Variants in SLCO6A1 observed in about 807,000 individuals in gnomAD.
The protein encoded by SLCO6A1 is cancer/testis antigen 48.
A neutral mutation model predicts 72.7 loss-of-function variants in SLCO6A1; 65 were observed. The observed-to-expected ratio is 0.89, with a 90% CI of 0.73 to 1.10. The LOEUF (loss-of-function observed/expected upper bound fraction) is 1.10, where lower values mean the gene tolerates loss of function less well. SLCO6A1 is among the 50% of genes least tolerant of loss of function. The pLI is 0.00. For missense variants in SLCO6A1, 874 were observed against 872.6 expected, an observed-to-expected ratio of 1.00 and a Z score of -0.02; for synonymous variants, 314 against 298.2, an observed-to-expected ratio of 1.05 and a Z score of -0.55.
At chr5:102,477,415 T>G (rs1751957414) in intron 3 of SLCO6A1, among the ~76,000 whole-genome samples, 1 of 152,114 alleles carries the variant, frequency 6.6e-6, no homozygotes. Context: ...TGAGCCACCA[T>G]GCCTGGCCGA....
chr5:102,457,027 G>A (rs1247044688), intron 6 of SLCO6A1, among the ~76,000 whole-genome samples: 6 of 152,178 alleles, frequency 3.9e-5, no homozygotes, highest in Non-Finnish European at 7.3e-5. Flanking sequence ...AATAAATGGT[G>A]CTGGGAAAAC....
At chr5:102,388,573 C>T in intron 12 of SLCO6A1, 115 bp downstream of exon 12, 2 of 775,748 alleles carry the variant, frequency 2.6e-6, no homozygotes, top group Non-Finnish European at 3.8e-6. Flanking sequence ...CTCCTTTACT[C>T]ATCAAAGTAC....
intron 10 of SLCO6A1, among the ~76,000 whole-genome samples, chr5:102,396,317 G>A (rs1290276108): frequency 6.6e-6 from 1 of 151,968 alleles, no homozygotes; most frequent in African/African-American, 2.4e-5. Flanking sequence ...CCCATTTCTT[G>A]TTTTTGTCAG....
chr5:102,448,967 T>TA (rs35959260), intron 6 of SLCO6A1, among the ~76,000 whole-genome samples: 96,708 of 151,878 alleles, frequency 0.64, 30,967 homozygotes, highest in African/African-American at 0.66. Context: ...ATAGTGTCAA[T>TA]AGTACTTGAG....
chr5:102,498,426 C>T (rs941954619), intron 1 of SLCO6A1, 61 bp downstream of exon 1: 2 of 1,504,770 alleles, frequency 1.3e-6, no homozygotes, highest in Non-Finnish European at 1.8e-6. Flanking sequence ...CTCCCTCTCC[C>T]GCCTCCGCCA....
At chr5:102,414,557 T>C (rs1448458438) in intron 8 of SLCO6A1, among the ~76,000 whole-genome samples, 1 of 152,172 alleles carries the variant, frequency 6.6e-6, no homozygotes, top group Non-Finnish European at 1.5e-5. Flanking sequence ...AAAATTAACA[T>C]ACAAAATTAG....
chr5:102,493,347 C>A (rs1030795645), intron 1 of SLCO6A1, among the ~76,000 whole-genome samples: 1 of 151,978 alleles, frequency 6.6e-6, no homozygotes, highest in Non-Finnish European at 1.5e-5. Flanking sequence ...TGTCAAATAT[C>A]CAAATATTAA....
chr5:102,385,478 G>A (rs796282072), intron 12 of SLCO6A1, among the ~76,000 whole-genome samples: 3 of 152,088 alleles, frequency 2.0e-5, no homozygotes, highest in African/African-American at 7.2e-5. Context: ...ATTCCAATAG[G>A]CTTTCTTCAC....
chr5:102,469,975 T>C (rs1751518627), intron 4 of SLCO6A1, among the ~76,000 whole-genome samples: 2 of 152,212 alleles, frequency 1.3e-5, no homozygotes, highest in Non-Finnish European at 2.9e-5. Flanking sequence ...TTGATTTGCG[T>C]ATGTTGAACC....
intron 7 of SLCO6A1, among the ~76,000 whole-genome samples, chr5:102,433,298 T>C (rs1356089157): frequency 1.3e-5 from 2 of 152,216 alleles, no homozygotes; most frequent in Admixed American, 6.5e-5. Context: ...TAAGGACCCT[T>C]GCTGGAGAAC....
In SLCO6A1 at chr5:102,399,745, G is replaced by A. The variant is rs377009623; in HGVS notation, c.1627-3C>T. ...ATGCAAGAACAATTGTAGTACATCT[G>A]TGAGTATTGAAGACAGGAAACAATC... On this transcript the variant is annotated splice_region_variant and splice_polypyrimidine_tract_variant and intron_variant, in intron 9 of 13. Coordinates refer to ENST00000506729, the MANE Select transcript of SLCO6A1 (RefSeq NM_173488.5). 14 of 1,543,862 alleles carry A rather than the reference G, an allele frequency of 9.1e-6. No individual in the cohort carries two copies. In the East Asian group the frequency reaches 1.6e-4, roughly 18 times the overall value.
At chr5:102,432,051 C>T (rs1749249702) in intron 7 of SLCO6A1, among the ~76,000 whole-genome samples, 1 of 152,130 alleles carries the variant, frequency 6.6e-6, no homozygotes, top group Non-Finnish European at 1.5e-5. Flanking sequence ...GCAACCCCTT[C>T]AGTTTTTCAT....
At chr5:102,494,182 G>C (rs1375346697) in intron 1 of SLCO6A1, among the ~76,000 whole-genome samples, 1 of 152,036 alleles carries the variant, frequency 6.6e-6, no homozygotes, top group Non-Finnish European at 1.5e-5. Flanking sequence ...ATGGATTAAA[G>C]GGCACTGTTT....
Position 102,480,310 on chromosome 5 carries a change from A to G in SLCO6A1, c.483T>C (p.Phe161=). Reference sequence around the variant, plus strand: ...TTTTTCTGTCTCCATAGAATGCTATAAATATTGCTACCAGGCCAGATGAAA... The same window carrying G: ...TTTTTCTGTCTCCATAGAATGCTATGAATATTGCTACCAGGCCAGATGAAA... ...YDISSGLVAI[F]IAFYGDRKKV... Residue 161 remains phenylalanine (F), a synonymous_variant, in exon 2 of 14, where the codon TTT becomes TTC. Transcript: ENST00000506729. 1 of 1,613,622 alleles carries G rather than the reference A, an allele frequency of 6.2e-7. No individual in the cohort carries two copies. Among genetic ancestry groups the G allele is most frequent in the Non-Finnish European group, 8.5e-7 (1 of 1,179,748 alleles).
Position 102,420,928 on chromosome 5 carries a change from C to A in SLCO6A1, c.1277-907G>T, listed in dbSNP as rs958933376. 1.1e-4 allele frequency among the ~76,000 whole-genome samples: 17 copies of A among 152,108 alleles called. 1 individual carries two copies. Among genetic ancestry groups the A allele is most frequent in the Admixed American group, 1.1e-3 (17 of 15,268 alleles). ...TCCAACTGAGGTACCCGGTTCATCTCACCGGGACTCATTAGATAGCGGGTG... is the reference window on the plus strand; with the variant it reads ...TCCAACTGAGGTACCCGGTTCATCTAACCGGGACTCATTAGATAGCGGGTG... On this transcript the variant is annotated intron_variant, in intron 7 of 13. Transcript: ENST00000506729.
chr5:102,401,354 T>C (rs1274689363), intron 9 of SLCO6A1, among the ~76,000 whole-genome samples: 2 of 152,086 alleles, frequency 1.3e-5, no homozygotes, highest in African/African-American at 4.8e-5. Flanking sequence ...GGGTGGCAAT[T>C]GCAAGAGCAA....
At position 102,498,691 on chromosome 5, in the gene SLCO6A1, T is replaced by C. The variant is rs1222547905; in HGVS notation, c.154A>G (p.Arg52Gly). ...SKPGKKHRYLRLLPEALIRFG... is the reference protein window; with the variant it reads ...SKPGKKHRYLGLLPEALIRFG... ...CTTATCAAGGCCTCTGGAAGTAGTC[T>C]CAGATACCGGTGTTTTTTCCCGGGC... is the stretch of plus-strand genomic sequence containing the variant. The change falls in exon 1 of 14, where the codon AGA becomes GGA. Residue 52 changes from arginine to glycine, a missense_variant. By Grantham distance (125) the Arg-to-Gly change is moderately radical (BLOSUM62 -2). Coordinates refer to ENST00000506729, the MANE Select transcript of SLCO6A1 (RefSeq NM_173488.5). 5.0e-6 allele frequency: 8 copies of C among 1,614,166 alleles called. No homozygotes were observed. The highest frequency in any genetic ancestry group is 2.2e-5 in the South Asian group (2 of 91,090).
intron 6 of SLCO6A1, among the ~76,000 whole-genome samples, chr5:102,456,632 G>A (rs910907824): frequency 1.3e-5 from 2 of 152,158 alleles, no homozygotes; most frequent in African/African-American, 2.4e-5. Flanking sequence ...AACATTCCAT[G>A]CTCATGGGTA....
At chr5:102,372,906 A>T (rs1024131282) in intron 13 of SLCO6A1, among the ~76,000 whole-genome samples, 2 of 151,896 alleles carry the variant, frequency 1.3e-5, no homozygotes, top group African/African-American at 4.8e-5. Flanking sequence ...ATATAACTTT[A>T]ATTTCAACTT....
Sources: gnomAD v4.1 joint callset for allele counts (sites outside exome capture counted in the v4.1 genomes callset) on GRCh38, gnomAD v4.1.1 for gene constraint, MANE v1.5 for transcripts, NCBI Gene and HGNC (gene_info 2026-07-23, HGNC 2026-07-21) for gene names.